Variants in HDAC9 observed in about 807,000 individuals in gnomAD.
HDAC9 encodes the protein histone deacetylase 9, also known as MEF-2 interacting transcription repressor (MITR) protein.
Under a neutral mutation model 139.4 loss-of-function variants are expected in HDAC9, and 41 were observed. That is an observed-to-expected ratio of 0.29 (90% CI 0.23 to 0.38). The LOEUF (loss-of-function observed/expected upper bound fraction) is 0.38, where lower values mean the gene tolerates loss of function less well. Among genes scored for constraint, HDAC9 ranks in the 10% least tolerant of loss-of-function variants. The pLI, the probability that HDAC9 is intolerant of heterozygous loss-of-function variation, is 1.00. For missense variants in HDAC9, 1,147 were observed against 1,297.0 expected (o/e 0.88, Z 1.78); for synonymous variants, 517 against 476.2 (o/e 1.09, Z -1.12).
intron 13 of HDAC9, among the ~76,000 whole-genome samples, chr7:18,732,863 A>G (rs1458355650): frequency 1.9e-5 from 2 of 104,014 alleles, no homozygotes; most frequent in Non-Finnish European, 3.8e-5. Flanking sequence ...ATGTGTGCGT[A>G]TGTGTACACA....
At chr7:18,915,303 A>G (rs984737284) in intron 22 of HDAC9, among the ~76,000 whole-genome samples, 1 of 152,084 alleles carries the variant, frequency 6.6e-6, no homozygotes, top group African/African-American at 2.4e-5. Context: ...AGAACTGGTT[A>G]CTTTAAGAGC....
chr7:18,618,756 ATATAT>A (rs1839408332), intron 6 of HDAC9, among the ~76,000 whole-genome samples: 1 of 131,702 alleles, frequency 7.6e-6, no homozygotes, highest in African/African-American at 2.8e-5. Context: ...ATATATATAT[ATATAT>A]GTAGGAATTC....
At chr7:18,256,832 A>T (rs1454419461) in intron 2 of HDAC9, among the ~76,000 whole-genome samples, 1 of 152,162 alleles carries the variant, frequency 6.6e-6, no homozygotes, top group African/African-American at 2.4e-5. Context: ...TCATGCATGT[A>T]ATCCCAGCAC....
At chr7:18,234,074 A>G (rs1345518611) in intron 2 of HDAC9, among the ~76,000 whole-genome samples, 1 of 152,192 alleles carries the variant, frequency 6.6e-6, no homozygotes, top group East Asian at 1.9e-4. Flanking sequence ...CAGTTTGCCT[A>G]GCTGGGTGAT....
chr7:18,501,862 A>C (rs1363395148), intron 2 of HDAC9, among the ~76,000 whole-genome samples: 1 of 152,174 alleles, frequency 6.6e-6, no homozygotes, highest in Admixed American at 6.6e-5. Context: ...AGTAGTAGGT[A>C]TATTAGTTAG....
At chr7:18,975,522 C>G (rs1784496461) in intron 24 of HDAC9, among the ~76,000 whole-genome samples, 2 of 152,282 alleles carry the variant, frequency 1.3e-5, no homozygotes, top group East Asian at 1.9e-4. Flanking sequence ...GTTGCAGAGA[C>G]AGCTGTCAGT....
chr7:18,922,890 C>A (rs895167486), intron 22 of HDAC9, among the ~76,000 whole-genome samples: 1 of 151,994 alleles, frequency 6.6e-6, no homozygotes, highest in African/African-American at 2.4e-5. Flanking sequence ...TAATAAAAAT[C>A]GACAAATGTC....
rs1786547454 is a variant in HDAC9 at position 18,997,752 on chromosome 7, C to T, written c.*1690C>T. On this transcript the variant is annotated 3_prime_UTR_variant, in exon 26 of 26. Coordinates refer to ENST00000686413, the MANE Select transcript of HDAC9 (RefSeq NM_178425.4). ...CACTCAAGTAGAATTATATAACTCC[C>T]TTTGTTATACAGTCAGACCATATTT... The T allele has an allele frequency of 6.6e-6, 1 of 152,010 alleles. No individual in the cohort carries two copies. The allele number at this position is 152,010 out of a possible 1,614,324, so 9.4% of individuals were successfully genotyped here. A position where few individuals can be genotyped will look rare whatever the true frequency, so the allele number is the denominator to read the frequency against.
At chr7:18,608,539 A>G (rs1836184640) in intron 6 of HDAC9, among the ~76,000 whole-genome samples, 2 of 152,130 alleles carry the variant, frequency 1.3e-5, no homozygotes, top group African/African-American at 4.8e-5. Flanking sequence ...TTTTTCATAG[A>G]ACCTTCATTC....
chr7:18,276,425 C>T (rs746586490), intron 2 of HDAC9, among the ~76,000 whole-genome samples: 1 of 152,180 alleles, frequency 6.6e-6, no homozygotes, highest in Non-Finnish European at 1.5e-5. Flanking sequence ...AATGTCTTGC[C>T]TAATGCATTC....
intron 1 of HDAC9, among the ~76,000 whole-genome samples, chr7:18,389,690 C>A (rs545885810): frequency 2.6e-5 from 4 of 152,054 alleles, no homozygotes; most frequent in Non-Finnish European, 4.4e-5. Context: ...CAAGTATATG[C>A]ATAAGCAAAA....
chr7:18,322,139 T>A (rs984327399), intron 1 of HDAC9, among the ~76,000 whole-genome samples: 3 of 152,146 alleles, frequency 2.0e-5, no homozygotes, highest in African/African-American at 7.2e-5. Flanking sequence ...ATTAAAGTAA[T>A]CCCTTCTTCA....
intron 21 of HDAC9, among the ~76,000 whole-genome samples, chr7:18,844,750 A>G (rs1214903463): frequency 6.6e-6 from 1 of 152,154 alleles, no homozygotes; most frequent in African/African-American, 2.4e-5. Flanking sequence ...TTATAATTTG[A>G]AAGTTTTATT....
At chr7:18,389,225 A>G (rs1227900820) in intron 1 of HDAC9, among the ~76,000 whole-genome samples, 1 of 152,170 alleles carries the variant, frequency 6.6e-6, no homozygotes, top group Non-Finnish European at 1.5e-5. Context: ...ATTCATTTCA[A>G]GTTGTCAATT....
intron 22 of HDAC9, among the ~76,000 whole-genome samples, chr7:18,905,866 C>A (rs1585277672): frequency 6.6e-6 from 1 of 151,602 alleles, no homozygotes; most frequent in African/African-American, 2.4e-5. Flanking sequence ...TTCTTTCTTT[C>A]TTTCCTTTCT....
In HDAC9 at chr7:18,996,117, C is replaced by G. The variant is rs375677897; in HGVS notation, c.*55C>G. 2.2e-4 allele frequency: 290 copies of G among 1,310,218 alleles called. No homozygotes were observed. The highest frequency in any genetic ancestry group is 2.9e-4 in the Non-Finnish European group (263 of 921,578). 81.2% of individuals were successfully genotyped at this position (1,310,218 alleles called of 1,614,324 possible). ...TGTGTGACATCATTGTGTATCCCCC[C>G]ACCCCAGTACCCTCAGACATGTCTT... On this transcript the variant is annotated 3_prime_UTR_variant, in exon 26 of 26. Transcript: ENST00000686413.
intron 1 of HDAC9, among the ~76,000 whole-genome samples, chr7:18,140,548 A>G (rs1785825461): frequency 6.6e-6 from 1 of 152,186 alleles, no homozygotes; most frequent in Non-Finnish European, 1.5e-5. Context: ...ATGTAGGAAA[A>G]ATTGTTATAC....
intron 2 of HDAC9, among the ~76,000 whole-genome samples, chr7:18,233,210 G>T (rs1339357877): frequency 6.6e-6 from 1 of 152,060 alleles, no homozygotes; most frequent in Non-Finnish European, 1.5e-5. Flanking sequence ...GTGAAACAGT[G>T]TCTAATAATT....
chr7:18,938,712 G>C (rs1276679196), intron 23 of HDAC9, among the ~76,000 whole-genome samples: 1 of 152,228 alleles, frequency 6.6e-6, no homozygotes, highest in African/African-American at 2.4e-5. Context: ...TACTGCAACT[G>C]TTGGCTACCT....
Sources: allele counts gnomAD v4.1 joint callset (sites outside exome capture counted in the v4.1 genomes callset), GRCh38; gene constraint gnomAD v4.1.1; transcripts MANE v1.5; gene names NCBI Gene and HGNC (gene_info 2026-07-23, HGNC 2026-07-21).